NBEAL2: variants seen among roughly 807,000 people sequenced by gnomAD.
NBEAL2 encodes the protein neurobeachin-like protein 2.
Under a neutral mutation model 299.8 loss-of-function variants are expected in NBEAL2, and 160 were observed. The ratio of observed to expected loss-of-function variants is 0.53; its 90% CI spans 0.47 to 0.61. The LOEUF (loss-of-function observed/expected upper bound fraction) is 0.61, where lower values mean the gene tolerates loss of function less well. NBEAL2 is among the 20% of genes least tolerant of loss of function. The pLI is 0.00. For missense variants in NBEAL2, 3,112 were observed against 3,649.0 expected (o/e 0.85, Z 3.79); for synonymous variants, 1,493 against 1,542.3 (o/e 0.97, Z 0.75).
Position 47,003,771 on chromosome 3 carries a change from G to A in NBEAL2, c.5721-45G>A. The A allele has an allele frequency of 1.3e-6, 2 of 1,531,028 alleles. No individual in the cohort carries two copies. Among genetic ancestry groups the A allele is most frequent in the Non-Finnish European group, 1.8e-6 (2 of 1,136,090 alleles). 94.8% of individuals were successfully genotyped at this position (1,531,028 alleles called of 1,614,324 possible). A position where few individuals can be genotyped will look rare whatever the true frequency, so the allele number is the denominator to read the frequency against. On this transcript the variant is annotated intron_variant, in intron 35 of 53. Transcript: ENST00000450053. The surrounding 1 kb of genome is among the most constrained non-coding windows in gnomAD (Gnocchi z 7.0). ...GGATGCCCTTTGGGCTTGTGAAGAAGGGGGTCCCAGAGCCTACAGCGTGAG... is the reference window on the plus strand; with the variant it reads ...GGATGCCCTTTGGGCTTGTGAAGAAAGGGGTCCCAGAGCCTACAGCGTGAG...
rs1010063576 is a variant in NBEAL2 at position 47,001,032 on chromosome 3, T to A, written c.4337T>A (p.Leu1446His). The A allele has an allele frequency of 1.9e-6, 3 of 1,609,624 alleles. No homozygotes were observed. In the African/African-American group the frequency reaches 4.1e-5, roughly 22 times the overall value. Reference sequence around the variant, plus strand: ...TCTGAGGAAGAGTTGTGCAATCTGCTCACCAACGTGCTGTTCTCGGTGACG... The same window carrying A: ...TCTGAGGAAGAGTTGTGCAATCTGCACACCAACGTGCTGTTCTCGGTGACG... ...QTSEEELCNL[L>H]TNVLFSVTWR... The change falls in exon 28 of 54, where the codon CTC (leucine) becomes CAC (histidine). Residue 1446 changes from leucine to histidine, a missense_variant. Leu to His is a moderately conservative substitution (Grantham distance 99). Transcript: ENST00000450053. This position sits in a 1 kb window ranked among gnomAD's most constrained non-coding sequence, Gnocchi z 6.1.
rs1053280573 is a variant in NBEAL2, at chr3:46,979,678, G to A, written c.-184G>A. 1.3e-5 allele frequency: 4 copies of A among 316,662 alleles called. No individual in the cohort carries two copies. The highest frequency in any genetic ancestry group is 9.4e-5 in the East Asian group (2 of 21,250). 19.6% of individuals were successfully genotyped at this position (316,662 alleles called of 1,614,324 possible). ...GGCGGCGGCCGGCAGTGAGGAGGAG[G>A]AGCGAGCAGACTTGGGTGGCTCTGC... On this transcript the variant is annotated 5_prime_UTR_variant, in exon 1 of 54. Coordinates refer to ENST00000450053, the MANE Select transcript of NBEAL2 (RefSeq NM_015175.3).
chr3:46,995,602 AC>A lies in NBEAL2; in HGVS notation c.1870del (p.Arg624AspfsTer40). Reference protein sequence around the residue: ...PMDTAPTPAPTRPLQRKQLYS... With the variant: ...PMDTAPTPAPXRPLQRKQLYS... ...GGATACAGCACCTACCCCTGCCCCC[AC>A]CCGACCACTCCAGCGAAAGCAGCTG... On this transcript the variant is annotated frameshift_variant, in exon 13 of 54. Coordinates refer to ENST00000450053, the MANE Select transcript of NBEAL2 (RefSeq NM_015175.3). LOFTEE classifies it high-confidence loss of function. 6.2e-7 allele frequency: 1 copy of A among 1,611,690 alleles called. No individual in the cohort carries two copies. Among genetic ancestry groups the A allele is most frequent in the South Asian group, 1.1e-5 (1 of 91,042 alleles).
In NBEAL2 at chr3:47,005,500, C is replaced by T; in HGVS notation, c.6572C>T (p.Ser2191Phe). Residue 2191 changes from serine to phenylalanine, a missense_variant, in exon 41 of 54, where the codon TCC becomes TTC. Coordinates refer to ENST00000450053, the MANE Select transcript of NBEAL2 (RefSeq NM_015175.3). ...TGCCCCTCCCCCAGCTTTGACTGCT[C>T]CGACCGGCAGTTCCACTCGGTGGCG... ...VQLQSGRFDC[S>F]DRQFHSVAAA... is the part of the protein sequence containing the mutation. The T allele has an allele frequency of 6.2e-7, 1 of 1,611,574 alleles. No individual in the cohort carries two copies. Among genetic ancestry groups the T allele is most frequent in the Non-Finnish European group, 8.5e-7 (1 of 1,179,028 alleles).
chr3:46,995,905 T>C, intron 14 of NBEAL2, 27 bp from the exon 15 acceptor site: 2 of 1,613,020 alleles, frequency 1.2e-6, no homozygotes, highest in East Asian at 2.2e-5. Flanking sequence ...GTCCCAAGTA[T>C]GGCCTAATGT....
In NBEAL2 at chr3:47,002,504, G is replaced by T; in HGVS notation, c.5285G>T (p.Ser1762Ile). Reference sequence around the variant, plus strand: ...CGGCGCCAGTGGGAGCGCGCCCAGAGTCGTCGGGCCTTCCAGGTGTGCCAC... The same window carrying T: ...CGGCGCCAGTGGGAGCGCGCCCAGATTCGTCGGGCCTTCCAGGTGTGCCAC... Reference protein sequence around the residue: ...GQRRQWERAQSRRAFQELVLE... With the variant: ...GQRRQWERAQIRRAFQELVLE... Residue 1762 changes from serine to isoleucine, a missense_variant, in exon 32 of 54, where the codon AGT (serine) becomes ATT (isoleucine). Around this residue, in one of 3 missense-constraint regions of NBEAL2, gnomAD observed 2,243 missense variants for 2,538.1 expected, o/e 0.88. Coordinates refer to ENST00000450053, the MANE Select transcript of NBEAL2 (RefSeq NM_015175.3). 2 of 1,612,748 alleles carry T rather than the reference G, an allele frequency of 1.2e-6. No individual in the cohort carries two copies.
In NBEAL2 at chr3:46,998,214, G is replaced by A. The variant is rs769080091; in HGVS notation, c.3106G>A (p.Ala1036Thr). Reference sequence around the variant, plus strand: ...TCACCTCTGGACCCTCAGTGACTTCGCCGTGCGCCTCGGTAGGTGTGAGGA... The same window carrying A: ...TCACCTCTGGACCCTCAGTGACTTCACCGTGCGCCTCGGTAGGTGTGAGGA... ...NFHLWTLSDF[A>T]VRLGHIQYMS... Residue 1036 changes from alanine to threonine, a missense_variant, in exon 21 of 54, where the codon GCC becomes ACC. Ala to Thr is a moderately conservative substitution (Grantham distance 58). Around this residue, in one of 3 missense-constraint regions of NBEAL2, gnomAD observed 2,243 missense variants for 2,538.1 expected, o/e 0.88. Transcript: ENST00000450053. 9.3e-6 allele frequency: 15 copies of A among 1,609,778 alleles called. No individual in the cohort carries two copies. Among genetic ancestry groups the A allele is most frequent in the Admixed American group, 5.0e-5 (3 of 59,588 alleles).
rs530669983 is a variant in NBEAL2, at chr3:46,995,946, C to T, written c.2046C>T (p.Ile682=). 1.6e-5 allele frequency: 26 copies of T among 1,613,268 alleles called. No individual in the cohort carries two copies. Among genetic ancestry groups the T allele is most frequent in the South Asian group, 3.3e-5 (3 of 91,042 alleles). ...TTCTGTTCTAGCACTGCGTGGCTAT[C>T]GTCCATGTGCCTGGGCGCCGGCCCT... The part of the protein sequence containing the change: ...FADSAWHCVA[I]VHVPGRRPFS... Residue 682 remains isoleucine (I), a synonymous_variant, in exon 15 of 54, where the codon ATC becomes ATT. Transcript: ENST00000450053.
At chr3:46,981,583 C>T (rs1421334658) in intron 1 of NBEAL2, among the ~76,000 whole-genome samples, 1 of 152,228 alleles carries the variant, frequency 6.6e-6, no homozygotes, top group African/African-American at 2.4e-5. Context: ...CTCGCCCCAG[C>T]TTCTCTGCCT....
In NBEAL2 at chr3:46,985,420, G is replaced by A. The variant is rs552013936; in HGVS notation, c.52-3249G>A. On this transcript the variant is annotated intron_variant, in intron 1 of 53. Transcript: ENST00000450053. ...GCTTGGCAAACAAGGTGTACTCCCT[G>A]TACTCCCCACCAATGTCACAACCAC... Among the ~76,000 whole-genome samples the A allele has an allele frequency of 1.7e-4, 26 of 152,272 alleles. No homozygotes were observed. The East Asian group carries it at 2.5e-3, about 15-fold the overall frequency.
rs142355538 is a variant in NBEAL2 at position 47,002,115 on chromosome 3, C to T, written c.4978C>T (p.Arg1660Cys). The T allele has an allele frequency of 2.3e-4, 361 of 1,550,462 alleles. 3 individuals are homozygous for T. The East Asian group carries it at 8.3e-3, about 36-fold the overall frequency. ...AAAAAAAAAE[R>C]CSWLVPLVRT... ...TGCAGCAGCTGCAGCAGCTGCAGAG[C>T]GCTGCTCCTGGCTGGTGCCACTGGT... The change falls in exon 31 of 54, where the codon CGC becomes TGC. Residue 1660 changes from arginine (R) to cysteine (C), a missense_variant. Arg to Cys is a radical substitution (Grantham distance 180). Around this residue, in one of 3 missense-constraint regions of NBEAL2, gnomAD observed 2,243 missense variants for 2,538.1 expected, o/e 0.88. Coordinates refer to ENST00000450053, the MANE Select transcript of NBEAL2 (RefSeq NM_015175.3).
chr3:47,004,107 C>G lies in NBEAL2; in HGVS notation c.5912C>G (p.Ala1971Gly), dbSNP rs1209752139. ...GIGYDFRRPL[A>G]QLREVHLRRF... ...GGCTATGATTTCCGGCGCCCACTGGCCCAGCTGCGTGAGGTCCACCTGCGG... is the reference window on the plus strand; with the variant it reads ...GGCTATGATTTCCGGCGCCCACTGGGCCAGCTGCGTGAGGTCCACCTGCGG... The change falls in exon 37 of 54, where the codon GCC (alanine) becomes GGC (glycine). Residue 1971 changes from alanine (A) to glycine (G), a missense_variant. Ala to Gly is a moderately conservative substitution (Grantham distance 60). Coordinates refer to ENST00000450053, the MANE Select transcript of NBEAL2 (RefSeq NM_015175.3). The surrounding 1 kb of genome is among the most constrained non-coding windows in gnomAD (Gnocchi z 5.0). 1 of 1,613,248 alleles carries G rather than the reference C, an allele frequency of 6.2e-7. No individual in the cohort carries two copies. The highest frequency in any genetic ancestry group is 8.5e-7 in the Non-Finnish European group (1 of 1,179,536).
intron 18 of NBEAL2, 77 bp from the exon 19 acceptor site, chr3:46,997,182 C>G (rs2036564726): frequency 1.3e-6 from 2 of 1,581,874 alleles, no homozygotes; most frequent in South Asian, 2.2e-5. Context: ...AACTTCCTTT[C>G]TGGGTGGTCT....
At position 47,002,296 on chromosome 3, in the gene NBEAL2, G is replaced by A; in HGVS notation, c.5151+8G>A. ...CACTTCATCGACAAACAGGTGCCTG[G>A]AGGTTGGGGCCCAGGAAGAGGAGTG... On this transcript the variant is annotated splice_region_variant and intron_variant, in intron 31 of 53. Transcript: ENST00000450053. The A allele has an allele frequency of 6.3e-7, 1 of 1,581,378 alleles. No individual in the cohort carries two copies. Among genetic ancestry groups the A allele is most frequent in the Non-Finnish European group, 8.6e-7 (1 of 1,160,434 alleles).
intron 42 of NBEAL2, 32 bp from the exon 43 acceptor site, chr3:47,005,914 C>G (rs1343504159): frequency 6.2e-7 from 1 of 1,612,434 alleles, no homozygotes; most frequent in African/African-American, 1.3e-5. Context: ...GGTCAGCTGT[C>G]CCTGCACTGA....
At position 47,004,221 on chromosome 3, in the gene NBEAL2, C is replaced by T. The variant is rs149475189; in HGVS notation, c.6026C>T (p.Thr2009Ile). ...AACTTCCCATGCAAGGTGGGCACGA[C>T]CCCAGTCTCATCTCCTAGCCAGACT... ...FLNFPCKVGT[T>I]PVSSPSQTPR... Residue 2009 changes from threonine (T) to isoleucine (I), a missense_variant, in exon 37 of 54, where the codon ACC becomes ATC. Physicochemically the swap from Thr to Ile is moderately conservative, Grantham distance 89. Coordinates refer to ENST00000450053, the MANE Select transcript of NBEAL2 (RefSeq NM_015175.3). This position sits in a 1 kb window ranked among gnomAD's most constrained non-coding sequence, Gnocchi z 5.0. The T allele has an allele frequency of 1.5e-5, 24 of 1,613,790 alleles. 1 individual carries two copies. In the African/African-American group the frequency reaches 2.3e-4, roughly 15 times the overall value.
At chr3:46,987,995 A>G (rs1473619386) in intron 1 of NBEAL2, 5 of 1,276,292 alleles carry the variant, frequency 3.9e-6, no homozygotes, top group East Asian at 6.3e-5. Context: ...CGTTCACACC[A>G]AAGTTTTCCT....
Position 46,992,498 on chromosome 3 carries a change from C to A in NBEAL2, c.1056C>A (p.Pro352=). 1 of 1,606,792 alleles carries A rather than the reference C, an allele frequency of 6.2e-7. No homozygotes were observed. Among genetic ancestry groups the A allele is most frequent in the African/African-American group, 1.3e-5 (1 of 74,822 alleles). The change falls in exon 10 of 54, where the codon CCC becomes CCA. Residue 352 remains proline (P), a synonymous_variant. Transcript: ENST00000450053. Reference sequence around the variant, plus strand: ...AGCTGTACCTGCAGTCCCGGGCGCCCCCCGAGGGGGACAGTGACCTGGCTA... The same window carrying A: ...AGCTGTACCTGCAGTCCCGGGCGCCACCCGAGGGGGACAGTGACCTGGCTA... The part of the protein sequence containing the change: ...NSKLYLQSRA[P]PEGDSDLATR...
At position 46,995,123 on chromosome 3, in the gene NBEAL2, C is replaced by T. The variant is rs771842055; in HGVS notation, c.1388C>T (p.Pro463Leu). 124 of 1,574,988 alleles carry T rather than the reference C, an allele frequency of 7.9e-5. No individual in the cohort carries two copies. The highest frequency in any genetic ancestry group is 1.1e-4 in the Non-Finnish European group (123 of 1,160,498). The change falls in exon 13 of 54, where the codon CCC (proline) becomes CTC (leucine). Residue 463 changes from proline (P) to leucine (L), a missense_variant. Transcript: ENST00000450053. ...LVLAQWLPSLPTAELRLFLAQ... is the reference protein window; with the variant it reads ...LVLAQWLPSLLTAELRLFLAQ... ...CTGGCGCAGTGGCTGCCGTCATTGC[C>T]CACCGCTGAGCTGCGGCTCTTCCTA... is the stretch of plus-strand genomic sequence containing the variant.
Sources: gnomAD v4.1 joint callset for allele counts (sites outside exome capture counted in the v4.1 genomes callset) on GRCh38, gnomAD v4.1.1 for gene constraint, gnomAD v4.1.1 regional missense constraint, Gnocchi (gnomAD v3.1) non-coding constraint, MANE v1.5 for transcripts, NCBI Gene and HGNC (gene_info 2026-07-23, HGNC 2026-07-21) for gene names.